CDK20: variants seen among roughly 807,000 people sequenced by gnomAD.
CDK20 encodes the protein cyclin dependent kinase 20.
Under a neutral mutation model 38.6 loss-of-function variants are expected in CDK20, and 40 were observed. That is an observed-to-expected ratio of 1.04 (90% confidence interval 0.81 to 1.35). CDK20 has a LOEUF of 1.35. Among genes scored for constraint, CDK20 ranks in the 40% most tolerant of loss-of-function variants. The pLI, the probability that CDK20 is intolerant of heterozygous loss-of-function variation, is 0.00. For missense variants in CDK20, 512 were observed against 452.6 expected (o/e 1.13, Z -1.19); for synonymous variants, 209 against 185.7 (o/e 1.13, Z -1.02).
At chr9:87,972,275 CTTTA>C (rs1418031477) in intron 2 of CDK20, among the ~76,000 whole-genome samples, 1 of 152,034 alleles carries the variant, frequency 6.6e-6, no homozygotes, top group Non-Finnish European at 1.5e-5. Flanking sequence ...AAGGATACTT[CTTTA>C]TTTAGGTGGG....
At chr9:87,967,785 A>G (rs1197427528) in intron 7 of CDK20, 126 bp from the exon 8 acceptor site, 12 of 783,184 alleles carry the variant, frequency 1.5e-5, no homozygotes, top group South Asian at 1.5e-4. Flanking sequence ...CTGAGTGTCT[A>G]CTATGTCTGA....
In CDK20 at chr9:87,971,298, C is replaced by G. The variant is rs775356611; in HGVS notation, c.227G>C (p.Gly76Ala). The G allele has an allele frequency of 6.2e-7, 1 of 1,613,906 alleles. No individual in the cohort carries two copies. The highest frequency in any genetic ancestry group is 8.5e-7 in the Non-Finnish European group (1 of 1,179,904). ...QLKAVFPHGG[G>A]FVLAFEFMLS... ...CATGAACTCAAAGGCCAGCACAAAG[C>G]CTCCACCGTGTGGGAACACAGCCTT... is the stretch of plus-strand genomic sequence containing the variant. Residue 76 changes from glycine to alanine, a missense_variant, in exon 3 of 8, where the codon GGC (glycine) becomes GCC (alanine). Coordinates refer to ENST00000325303, the MANE Select transcript of CDK20 (RefSeq NM_001039803.3).
At chr9:87,973,434 C>A (rs1462065703) in intron 2 of CDK20, among the ~76,000 whole-genome samples, 1 of 139,464 alleles carries the variant, frequency 7.2e-6, no homozygotes, top group Non-Finnish European at 1.6e-5. Context: ...AGAATGGACT[C>A]TCAATCAAAC....
rs28364962 is a variant in CDK20 at position 87,969,473 on chromosome 9, T to A, written c.688-124A>T. ...GGGGGTGCTCTCCCATCCATGTGTC[T>A]CCCTGACCCATCATTCATTCACTCA... is the stretch of plus-strand genomic sequence containing the variant. On this transcript the variant is annotated intron_variant, in intron 6 of 7. Coordinates refer to ENST00000325303, the MANE Select transcript of CDK20 (RefSeq NM_001039803.3). 477 of 1,062,328 alleles carry A rather than the reference T, an allele frequency of 4.5e-4. 6 individuals carry two copies. In the East Asian group the frequency reaches 5.1e-3, roughly 11 times the overall value. The allele number at this position is 1,062,328 out of a possible 1,614,324, so 65.8% of individuals were successfully genotyped here. A position where few individuals can be genotyped will look rare whatever the true frequency, so the allele number is the denominator to read the frequency against.
chr9:87,969,878 G>A lies in CDK20; in HGVS notation c.605C>T (p.Pro202Leu). 2 of 1,602,518 alleles carry A rather than the reference G, an allele frequency of 1.2e-6. No individual in the cohort carries two copies. The highest frequency in any genetic ancestry group is 1.7e-6 in the Non-Finnish European group (2 of 1,173,680). ...CIMGELLNGS[P>L]LFPGKNDIEQ... Reference sequence around the variant, plus strand: ...AATATCGTTCTTGCCCGGGAAAAGGGGGGACCCATTCAACAGCTCCCCCAT... The same window carrying A: ...AATATCGTTCTTGCCCGGGAAAAGGAGGGACCCATTCAACAGCTCCCCCAT... The change falls in exon 6 of 8, where the codon CCC (proline) becomes CTC (leucine). Residue 202 changes from proline (P) to leucine (L), a missense_variant. Transcript: ENST00000325303.
intron 6 of CDK20, 38 bp downstream of exon 6, chr9:87,969,758 C>T: frequency 2.5e-6 from 4 of 1,612,832 alleles, no homozygotes; most frequent in Non-Finnish European, 3.4e-6. Flanking sequence ...GTGGAGTAAA[C>T]CTGCCCCACA....
intron 1 of CDK20, 95 bp downstream of exon 1, chr9:87,974,277 T>G: frequency 3.7e-6 from 5 of 1,358,034 alleles, no homozygotes; most frequent in Non-Finnish European, 4.1e-6. Flanking sequence ...AAAACTGTAC[T>G]GGATGTAAAA....
rs1829476933 is a variant in CDK20 at position 87,967,025 on chromosome 9, CTG to C, written c.*435_*436del. On this transcript the variant is annotated 3_prime_UTR_variant, in exon 8 of 8. Transcript: ENST00000325303. ...CATACTGAACTAGTGTTTAATGGCTCTGAGAATAAAACCAAACCAAATCTTCC... is the reference window on the plus strand; with the variant it reads ...CATACTGAACTAGTGTTTAATGGCTCAGAATAAAACCAAACCAAATCTTCC... 1 of 514,820 alleles carries C rather than the reference CTG, an allele frequency of 1.9e-6. No homozygotes were observed. The highest frequency in any genetic ancestry group is 5.5e-5 in the East Asian group (1 of 18,322). The allele number at this position is 514,820 out of a possible 1,614,324, so 31.9% of individuals were successfully genotyped here.
intron 6 of CDK20, 25 bp downstream of exon 6, chr9:87,969,771 C>T (rs752368707): frequency 6.2e-7 from 1 of 1,613,296 alleles, no homozygotes; most frequent in East Asian, 2.2e-5. Flanking sequence ...GCCCCACACC[C>T]ACCTCACCAA....
In CDK20 at chr9:87,969,336, A is replaced by C; in HGVS notation, c.701T>G (p.Leu234Arg). ...AAAGGAGATCTTGTTGTAGTCCGGC[A>C]GCTCAGTGAGCTCCTGGGCCAGGGA... ...NPQVWPELTELPDYNKISFKE... is the reference protein window; with the variant it reads ...NPQVWPELTERPDYNKISFKE... The change falls in exon 7 of 8, where the codon CTG becomes CGG. Residue 234 changes from leucine (L) to arginine (R), a missense_variant. Transcript: ENST00000325303. 6.2e-7 allele frequency: 1 copy of C among 1,613,958 alleles called. No homozygotes were observed. The highest frequency in any genetic ancestry group is 8.5e-7 in the Non-Finnish European group (1 of 1,179,950).
At position 87,974,368 on chromosome 9, in the gene CDK20, T is replaced by TCACCTC; in HGVS notation, c.73_75+3dup. The stretch of plus-strand genomic sequence containing the variant: ...CCAGGCTGCCGGCCGCGGTCCAGCC[T>TCACCTC]CACCTCCACGTGCTTGGCCTTGAAG... On this transcript the variant is annotated splice_donor_region_variant and intron_variant, in intron 1 of 7. Coordinates refer to ENST00000325303, the MANE Select transcript of CDK20 (RefSeq NM_001039803.3). The TCACCTC allele has an allele frequency of 6.2e-7, 1 of 1,612,042 alleles. No homozygotes were observed. The highest frequency in any genetic ancestry group is 1.3e-5 in the African/African-American group (1 of 75,040).
chr9:87,968,044 C>A (rs529793809), intron 7 of CDK20: 8 of 173,336 alleles, frequency 4.6e-5, no homozygotes, highest in African/African-American at 1.7e-4. Context: ...AGACTTGAGA[C>A]ATAAGCAAGT....
At chr9:87,969,430 C>A in intron 6 of CDK20, 81 bp from the exon 7 acceptor site, 1 of 1,452,154 alleles carries the variant, frequency 6.9e-7, no homozygotes. Flanking sequence ...CTCTCAGCCC[C>A]TAACACACAC....
chr9:87,969,454 G>A (rs568730550), intron 6 of CDK20, 105 bp from the exon 7 acceptor site: 20 of 1,233,458 alleles, frequency 1.6e-5, no homozygotes, highest in Admixed American at 1.6e-4. Flanking sequence ...CATGGGGGGT[G>A]CTCTCCCATC....
Position 87,967,016 on chromosome 9 carries a change from T to G in CDK20, c.*446A>C, listed in dbSNP as rs1286740689. On this transcript the variant is annotated 3_prime_UTR_variant, in exon 8 of 8. Coordinates refer to ENST00000325303, the MANE Select transcript of CDK20 (RefSeq NM_001039803.3). ...TATATCTCACATACTGAACTAGTGT[T>G]TAATGGCTCTGAGAATAAAACCAAA... 2 of 506,530 alleles carry G rather than the reference T, an allele frequency of 3.9e-6. No individual in the cohort carries two copies. The highest frequency in any genetic ancestry group is 4.1e-5 in the Admixed American group (2 of 48,998). The allele number at this position is 506,530 out of a possible 1,614,324, so 31.4% of individuals were successfully genotyped here. A position where few individuals can be genotyped will look rare whatever the true frequency, so the allele number is the denominator to read the frequency against.
In CDK20 at chr9:87,969,909, A is replaced by C; in HGVS notation, c.574T>G (p.Cys192Gly). ...DQGVDLWSVG[C>G]IMGELLNGSP... ...CCATTCAACAGCTCCCCCATGATGC[A>C]GCCCACAGACCTGTGGACACAGAGC... Residue 192 changes from cysteine to glycine, a missense_variant, in exon 6 of 8, where the codon TGC becomes GGC. Coordinates refer to ENST00000325303, the MANE Select transcript of CDK20 (RefSeq NM_001039803.3). 6.3e-7 allele frequency: 1 copy of C among 1,581,052 alleles called. No individual in the cohort carries two copies. The highest frequency in any genetic ancestry group is 1.2e-5 in the South Asian group (1 of 84,220).
In CDK20 at chr9:87,967,426, C is replaced by G; in HGVS notation, c.*36G>C. Reference sequence around the variant, plus strand: ...CAGAGGAACAGGTGGACTGAGTGGTCCTGAGGAGCAGGCAGACGGGACCAG... The same window carrying G: ...CAGAGGAACAGGTGGACTGAGTGGTGCTGAGGAGCAGGCAGACGGGACCAG... On this transcript the variant is annotated 3_prime_UTR_variant, in exon 8 of 8. Coordinates refer to ENST00000325303, the MANE Select transcript of CDK20 (RefSeq NM_001039803.3). The G allele has an allele frequency of 6.5e-7, 1 of 1,549,152 alleles. No individual in the cohort carries two copies. Among genetic ancestry groups the G allele is most frequent in the Non-Finnish European group, 8.7e-7 (1 of 1,144,766 alleles).
At chr9:87,974,155 CT>C in intron 1 of CDK20, 120 bp from the exon 2 acceptor site, 1 of 1,530,568 alleles carries the variant, frequency 6.5e-7, no homozygotes, top group Non-Finnish European at 8.8e-7. Context: ...AGAGGCCCTC[CT>C]CGGGGGTCTA....
intron 6 of CDK20, 135 bp downstream of exon 6, chr9:87,969,661 G>A: frequency 7.2e-7 from 1 of 1,391,350 alleles, no homozygotes; most frequent in Non-Finnish European, 9.9e-7. Context: ...CCTGAGTTGG[G>A]CCAGGACAGT....
Sources: gnomAD v4.1 joint callset for allele counts (sites outside exome capture counted in the v4.1 genomes callset) on GRCh38, gnomAD v4.1.1 for gene constraint, MANE v1.5 for transcripts, NCBI Gene and HGNC (gene_info 2026-07-23, HGNC 2026-07-21) for gene names.